The following CTNND1 variants were observed in gnomAD, a reference collection of about 807,000 sequenced individuals.
The protein encoded by CTNND1 is catenin delta-1.
CTNND1 carries 16 observed loss-of-function variants against 112.1 expected under a neutral mutation model. That is an observed-to-expected ratio of 0.14 (90% confidence interval 0.10 to 0.22). CTNND1 has a LOEUF of 0.22. Ranked by LOEUF, CTNND1 falls within the 10% of genes least tolerant of loss-of-function variation. CTNND1 has a pLI of 1.00. For missense variants in CTNND1, 1,008 were observed against 1,257.0 expected (o/e 0.80, Z 3.00); for synonymous variants, 420 against 446.5 (o/e 0.94, Z 0.75).
At position 57,816,313 on chromosome 11, in the gene CTNND1, A is replaced by G. The variant is rs750319940; in HGVS notation, c.*5A>G. On this transcript the variant is annotated 3_prime_UTR_variant, in exon 21 of 21. Coordinates refer to ENST00000399050, the MANE Select transcript of CTNND1 (RefSeq NM_001085458.2). ...TCTCCACAGCAGAAGATTTAGCACC[A>G]CTATCTCCGTTCCATCTGGGCTTAT... The G allele has an allele frequency of 4.3e-6, 7 of 1,613,346 alleles. No individual in the cohort carries two copies. In the African/African-American group the frequency reaches 6.7e-5, roughly 15 times the overall value.
At chr11:57,773,818 TGTA>T (rs957510706) in intron 1 of CTNND1, among the ~76,000 whole-genome samples, 1 of 151,754 alleles carries the variant, frequency 6.6e-6, no homozygotes, top group Non-Finnish European at 1.5e-5. Context: ...GGTGGGTACT[TGTA>T]GTTCCATATA....
At chr11:57,782,605 A>C (rs140984717) in intron 1 of CTNND1, among the ~76,000 whole-genome samples, 2 of 152,248 alleles carry the variant, frequency 1.3e-5, no homozygotes, top group African/African-American at 2.4e-5. Flanking sequence ...GCCAAAACTC[A>C]GTGATTGGCA....
Position 57,806,919 on chromosome 11 carries a change from A to G in CTNND1, c.1899A>G (p.Lys633=), listed in dbSNP as rs2137315734. The change falls in exon 12 of 21, where the codon AAA becomes AAG. Residue 633 remains lysine, a synonymous_variant. Coordinates refer to ENST00000399050, the MANE Select transcript of CTNND1 (RefSeq NM_001085458.2). The part of the protein sequence containing the change: ...KGKDEWFSRG[K]KPIEDPANDT... ...CGCCCTTTTTCATTTTTGTAGGGAA[A>G]AAACCTATAGAGGATCCAGCAAACG... 2 of 1,596,026 alleles carry G rather than the reference A, an allele frequency of 1.3e-6. No homozygotes were observed. Among genetic ancestry groups the G allele is most frequent in the Non-Finnish European group, 8.5e-7 (1 of 1,170,890 alleles).
chr11:57,803,572 C>A, intron 7 of CTNND1, 49 bp from the exon 8 acceptor site: 1 of 1,437,104 alleles, frequency 7.0e-7, no homozygotes, highest in Non-Finnish European at 9.5e-7. Flanking sequence ...GTTCTTCAGA[C>A]ATATTGTCTT....
rs1565316034 is a variant in CTNND1, at chr11:57,789,090, ATT to A, written c.-155_-154del. Reference sequence around the variant, plus strand: ...TGGTGGCTGGGATGCTTCTTCCATGATTTTTTGAATCTAGACTGGGCTGTTCT... The same window carrying A: ...TGGTGGCTGGGATGCTTCTTCCATGATTTTGAATCTAGACTGGGCTGTTCT... On this transcript the variant is annotated 5_prime_UTR_variant, in exon 2 of 21. The change abolishes the stop of an existing upstream ORF in the 5' untranslated region. Coordinates refer to ENST00000399050, the MANE Select transcript of CTNND1 (RefSeq NM_001085458.2). The A allele has an allele frequency of 6.5e-7, 1 of 1,535,352 alleles. No homozygotes were observed. Among genetic ancestry groups the A allele is most frequent in the Non-Finnish European group, 8.7e-7 (1 of 1,146,836 alleles).
chr11:57,797,710 T>C (rs535169930), intron 6 of CTNND1, among the ~76,000 whole-genome samples: 1 of 150,518 alleles, frequency 6.6e-6, no homozygotes, highest in African/African-American at 2.4e-5. Flanking sequence ...GGCGTAGTGG[T>C]GCATGCCTGT....
At chr11:57,775,384 C>T (rs1194894282) in intron 1 of CTNND1, among the ~76,000 whole-genome samples, 1 of 149,426 alleles carries the variant, frequency 6.7e-6, no homozygotes, top group African/African-American at 2.5e-5. Flanking sequence ...AAGAGAAGTA[C>T]AGAAGATGGT....
In CTNND1 at chr11:57,817,528, C is replaced by T. The variant is rs186908303; in HGVS notation, c.*1220C>T. The stretch of plus-strand genomic sequence containing the variant: ...AAATAGCAGAAAGAAGAGAAGTGAC[C>T]GAGAGAACCTCAGATTCTTCATTGA... On this transcript the variant is annotated 3_prime_UTR_variant, in exon 21 of 21. Coordinates refer to ENST00000399050, the MANE Select transcript of CTNND1 (RefSeq NM_001085458.2). 3.3e-5 allele frequency: 5 copies of T among 152,648 alleles called. No homozygotes were observed. Among genetic ancestry groups the T allele is most frequent in the Middle Eastern group, 3.4e-3 (1 of 292 alleles). The allele number at this position is 152,648 out of a possible 1,614,324, so 9.5% of individuals were successfully genotyped here. A position where few individuals can be genotyped will look rare whatever the true frequency, so the allele number is the denominator to read the frequency against.
At chr11:57,781,307 A>G (rs981540655) in intron 1 of CTNND1, among the ~76,000 whole-genome samples, 13 of 152,200 alleles carry the variant, frequency 8.5e-5, no homozygotes, top group African/African-American at 2.7e-4. Flanking sequence ...CTCTAAGGTT[A>G]AGCTTTTCCA....
intron 1 of CTNND1, among the ~76,000 whole-genome samples, chr11:57,771,397 G>A (rs543407163): frequency 1.3e-5 from 2 of 151,334 alleles, no homozygotes; most frequent in South Asian, 4.2e-4. Flanking sequence ...AGGAAAGAAC[G>A]TCTCAGGGTG....
At chr11:57,784,504 T>TTTG (rs200668387) in intron 1 of CTNND1, among the ~76,000 whole-genome samples, 1 of 151,662 alleles carries the variant, frequency 6.6e-6, no homozygotes, top group African/African-American at 2.4e-5. Flanking sequence ...TGACACTCGT[T>TTTG]TTGTTGTTGT....
intron 17 of CTNND1, 155 bp from the exon 18 acceptor site, chr11:57,814,156 A>G: frequency 1.6e-6 from 1 of 617,202 alleles, no homozygotes; most frequent in South Asian, 1.9e-5. Flanking sequence ...CTCTACAAAA[A>G]GCTTAAAAAT....
intron 1 of CTNND1, among the ~76,000 whole-genome samples, chr11:57,766,345 G>T (rs1473994214): frequency 6.6e-6 from 1 of 152,146 alleles, no homozygotes; most frequent in Non-Finnish European, 1.5e-5. Flanking sequence ...AGTATGTTTG[G>T]ATATCAGTGT....
At chr11:57,777,661 G>A (rs979170656) in intron 1 of CTNND1, among the ~76,000 whole-genome samples, 1 of 152,146 alleles carries the variant, frequency 6.6e-6, no homozygotes. Context: ...ACTACTTCTA[G>A]CAGATCTAAG....
rs1427213619 is a variant in CTNND1 at position 57,816,414 on chromosome 11, C to T, written c.*106C>T. On this transcript the variant is annotated 3_prime_UTR_variant, in exon 21 of 21. Transcript: ENST00000399050. ...TTCGCTGGACTATTGTGCCAACTGC[C>T]AGGCTGCCTCCTGCCCTTACAGCCC... 7.0e-7 allele frequency: 1 copy of T among 1,429,478 alleles called. No homozygotes were observed. The highest frequency in any genetic ancestry group is 1.4e-5 in the African/African-American group (1 of 71,226). The allele number at this position is 1,429,478 out of a possible 1,614,324, so 88.5% of individuals were successfully genotyped here. A position where few individuals can be genotyped will look rare whatever the true frequency, so the allele number is the denominator to read the frequency against.
At chr11:57,790,253 A>G (rs927620681) in intron 2 of CTNND1, among the ~76,000 whole-genome samples, 1 of 151,990 alleles carries the variant, frequency 6.6e-6, no homozygotes, top group Admixed American at 6.6e-5. Flanking sequence ...TATTTTTAGT[A>G]GAGATAAGGT....
intron 8 of CTNND1, 44 bp from the exon 9 acceptor site, chr11:57,804,619 A>T (rs2062423988): frequency 6.9e-7 from 1 of 1,459,686 alleles, no homozygotes; most frequent in African/African-American, 1.4e-5. Flanking sequence ...TTAAGGGAGG[A>T]TTTCTGGATT....
At chr11:57,776,719 T>C (rs1954309735) in intron 1 of CTNND1, among the ~76,000 whole-genome samples, 1 of 152,220 alleles carries the variant, frequency 6.6e-6, no homozygotes, top group African/African-American at 2.4e-5. Context: ...TTGTAATCAG[T>C]TGGCTATACT....
intron 1 of CTNND1, among the ~76,000 whole-genome samples, chr11:57,771,590 G>C (rs1952637146): frequency 6.6e-6 from 1 of 152,178 alleles, no homozygotes; most frequent in Admixed American, 6.5e-5. Context: ...AGAAGTAAGA[G>C]ACCTGTCCAG....
Sources: allele counts gnomAD v4.1 joint callset (sites outside exome capture counted in the v4.1 genomes callset), GRCh38; gene constraint gnomAD v4.1.1; transcripts MANE v1.5; gene names NCBI Gene and HGNC (gene_info 2026-07-23, HGNC 2026-07-21).